Variants in CRPPA observed in about 807,000 individuals in gnomAD.
CRPPA encodes the protein D-ribitol-5-phosphate cytidylyltransferase.
A neutral mutation model predicts 52.0 loss-of-function variants in CRPPA; 43 were observed. That is an observed-to-expected ratio of 0.83 (90% CI 0.65 to 1.07). The LOEUF is 1.07. Ranked by LOEUF, CRPPA falls within the 50% of genes least tolerant of loss-of-function variation. The pLI is 0.00. For synonymous variants in CRPPA, 250 were observed against 203.5 expected (o/e 1.23, Z -1.94); for missense variants, 629 against 551.7 (o/e 1.14, Z -1.40).
chr7:16,275,216 C>T (rs376571460), intron 6 of CRPPA, among the ~76,000 whole-genome samples: 4 of 152,212 alleles, frequency 2.6e-5, no homozygotes, highest in African/African-American at 9.6e-5. Flanking sequence ...TTTCTGGATA[C>T]CTTAGCAGGC....
At chr7:16,352,903 AC>A (rs2128308061) in intron 3 of CRPPA, among the ~76,000 whole-genome samples, 1 of 151,738 alleles carries the variant, frequency 6.6e-6, no homozygotes, top group African/African-American at 2.4e-5. Context: ...ACACACACAC[AC>A]ACACACACAC....
chr7:16,132,179 G>A (rs189437565), intron 9 of CRPPA, among the ~76,000 whole-genome samples: 1 of 63,644 alleles, frequency 1.6e-5, no homozygotes, highest in Admixed American at 1.6e-4. Flanking sequence ...ATGAACTAAT[G>A]GCATTTGCCT....
intron 9 of CRPPA, among the ~76,000 whole-genome samples, chr7:16,109,327 T>C (rs997254244): frequency 1.3e-5 from 2 of 151,902 alleles, no homozygotes; most frequent in Non-Finnish European, 2.9e-5. Flanking sequence ...CATAAATTCC[T>C]AGATACCTAC....
At chr7:16,361,287 T>C (rs1353057140) in intron 3 of CRPPA, among the ~76,000 whole-genome samples, 1 of 152,226 alleles carries the variant, frequency 6.6e-6, no homozygotes, top group Admixed American at 6.5e-5. Flanking sequence ...ACAGCCACTA[T>C]GGAAAAAGTA....
At chr7:16,334,507 T>C (rs893681130) in intron 3 of CRPPA, among the ~76,000 whole-genome samples, 2 of 152,196 alleles carry the variant, frequency 1.3e-5, no homozygotes, top group East Asian at 3.9e-4. Context: ...GCATAGCCTC[T>C]GGTCCTGCCC....
At chr7:16,363,730 G>A (rs1786517632) in intron 3 of CRPPA, among the ~76,000 whole-genome samples, 1 of 152,046 alleles carries the variant, frequency 6.6e-6, no homozygotes, top group Non-Finnish European at 1.5e-5. Context: ...TGGAGGTCCT[G>A]ACCAAAGCAA....
chr7:16,224,029 A>G (rs1400449674), intron 8 of CRPPA, among the ~76,000 whole-genome samples: 1 of 152,162 alleles, frequency 6.6e-6, no homozygotes. Flanking sequence ...CACAAAAAAG[A>G]ATATCTAATT....
chr7:16,410,826 T>C (rs1015118557), intron 1 of CRPPA, among the ~76,000 whole-genome samples: 4 of 152,126 alleles, frequency 2.6e-5, no homozygotes, highest in African/African-American at 4.8e-5. Context: ...TAACTGCCCC[T>C]ACTCCCCGCC....
intron 9 of CRPPA, among the ~76,000 whole-genome samples, chr7:16,110,143 A>C (rs1018591008): frequency 6.6e-6 from 1 of 152,138 alleles, no homozygotes; most frequent in South Asian, 2.1e-4. Flanking sequence ...TACTAGCAAC[A>C]AACCTGTGAA....
chr7:16,303,015 T>C (rs993632255), intron 4 of CRPPA, among the ~76,000 whole-genome samples: 9 of 152,158 alleles, frequency 5.9e-5, no homozygotes, highest in Non-Finnish European at 7.4e-5. Context: ...AACCCATCAA[T>C]TGAGAATTAC....
chr7:16,157,680 G>A (rs1783212737), intron 9 of CRPPA, among the ~76,000 whole-genome samples: 1 of 151,862 alleles, frequency 6.6e-6, no homozygotes, highest in Non-Finnish European at 1.5e-5. Flanking sequence ...CCTACTCCAG[G>A]GGTTTTAAAC....
intron 6 of CRPPA, among the ~76,000 whole-genome samples, chr7:16,275,683 T>A (rs953332720): frequency 6.6e-6 from 1 of 151,276 alleles, no homozygotes; most frequent in Non-Finnish European, 1.5e-5. Flanking sequence ...AAAAAAAAAA[T>A]TAGCTGGGCA....
chr7:16,315,228 T>G (rs1339521197), intron 3 of CRPPA, among the ~76,000 whole-genome samples: 1 of 152,144 alleles, frequency 6.6e-6, no homozygotes, highest in African/African-American at 2.4e-5. Flanking sequence ...GTTCTTTCCA[T>G]TTCCATCTCT....
rs559861031 is a variant in CRPPA, at chr7:16,228,202, G to A, written c.1120-12005C>T. On this transcript the variant is annotated intron_variant, in intron 8 of 9. Transcript: ENST00000407010. ...CAGCTTTGTTCTTTTTCCTCAACAC[G>A]GTTTTGACTATTCAGGGTCTAGCAA... is the stretch of plus-strand genomic sequence containing the variant. Among the ~76,000 whole-genome samples the A allele has an allele frequency of 5.9e-5, 9 of 151,732 alleles. 1 individual carries two copies. In the South Asian group the frequency reaches 1.9e-3, roughly 32 times the overall value.
At position 16,167,550 on chromosome 7, in the gene CRPPA, G is replaced by A. The variant is rs149845575; in HGVS notation, c.1251+48516C>T. ...TGCCAGGTCCATTTCTTATAAATGT[G>A]TCTCCATTACCCTGGTCAGTGTAGT... On this transcript the variant is annotated intron_variant, in intron 9 of 9. Coordinates refer to ENST00000407010, the MANE Select transcript of CRPPA (RefSeq NM_001101426.4). 3.3e-5 allele frequency among the ~76,000 whole-genome samples: 5 copies of A among 152,212 alleles called. No homozygotes were observed. The East Asian group carries it at 7.7e-4, about 24-fold the overall frequency.
intron 9 of CRPPA, among the ~76,000 whole-genome samples, chr7:16,098,516 C>T (rs1428130135): frequency 6.6e-6 from 1 of 152,016 alleles, no homozygotes; most frequent in Non-Finnish European, 1.5e-5. Context: ...AGAACTTATG[C>T]AAAAATTATT....
At chr7:16,163,728 C>T (rs190615151) in intron 9 of CRPPA, among the ~76,000 whole-genome samples, 47 of 152,248 alleles carry the variant, frequency 3.1e-4, no homozygotes, top group African/African-American at 9.4e-4. Context: ...CAACATCCCT[C>T]GGCATTTGCT....
At chr7:16,150,610 A>C (rs1406729878) in intron 9 of CRPPA, among the ~76,000 whole-genome samples, 1 of 152,196 alleles carries the variant, frequency 6.6e-6, no homozygotes, top group Non-Finnish European at 1.5e-5. Context: ...TATAAGAAAA[A>C]ATGAGTAAGA....
chr7:16,208,277 T>A (rs184624953), intron 9 of CRPPA, among the ~76,000 whole-genome samples: 2 of 152,328 alleles, frequency 1.3e-5, no homozygotes, highest in East Asian at 1.9e-4. Context: ...GATAATTTTT[T>A]AAAAATAACT....
Sources: gnomAD v4.1 joint callset for allele counts (sites outside exome capture counted in the v4.1 genomes callset) on GRCh38, gnomAD v4.1.1 for gene constraint, MANE v1.5 for transcripts, NCBI Gene and HGNC (gene_info 2026-07-23, HGNC 2026-07-21) for gene names.